The following BMP6 variants were observed in gnomAD, a reference collection of about 807,000 sequenced individuals.
BMP6 encodes bone morphogenetic protein 6, also known as VG-1-R.
BMP6 carries 17 observed loss-of-function variants against 54.1 expected under a neutral mutation model. The ratio of observed to expected loss-of-function variants is 0.31; its 90% CI spans 0.22 to 0.47. The LOEUF (loss-of-function observed/expected upper bound fraction) is 0.47. Ranked by LOEUF, BMP6 falls within the 20% of genes least tolerant of loss-of-function variation. The pLI, the probability that BMP6 is intolerant of heterozygous loss-of-function variation, is 1.00. For missense variants in BMP6, 720 were observed against 690.4 expected (o/e 1.04, Z -0.48); for synonymous variants, 328 against 291.2 (o/e 1.13, Z -1.28).
chr6:7,746,812 C>T (rs1247127815), intron 1 of BMP6, among the ~76,000 whole-genome samples: 2 of 152,176 alleles, frequency 1.3e-5, no homozygotes, highest in African/African-American at 2.4e-5. Flanking sequence ...AGCTAGTTGG[C>T]CCACGGGAAA....
chr6:7,874,508 C>T (rs1759576157), intron 4 of BMP6, among the ~76,000 whole-genome samples: 1 of 152,198 alleles, frequency 6.6e-6, no homozygotes, highest in South Asian at 2.1e-4. Context: ...GTAATCCCAG[C>T]ACCTTGGGAG....
Position 7,740,657 on chromosome 6 carries a change from G to T in BMP6, c.664+13038G>T, listed in dbSNP as rs1395575894. On this transcript the variant is annotated intron_variant, in intron 1 of 6. Coordinates refer to ENST00000283147, the MANE Select transcript of BMP6 (RefSeq NM_001718.6). ...ACCCCACCCTGACTCGGGGGATTTG[G>T]GTGTGGGAATCTGCACTTCGACAAG... Among the ~76,000 whole-genome samples, 7 of 152,074 alleles carry T rather than the reference G, an allele frequency of 4.6e-5. No homozygotes were observed. The South Asian group carries it at 6.2e-4, about 14-fold the overall frequency.
At chr6:7,878,984 A>G in intron 4 of BMP6, 90 bp from the exon 5 acceptor site, 4 of 1,298,596 alleles carry the variant, frequency 3.1e-6, no homozygotes, top group Non-Finnish European at 4.5e-6. Context: ...CCTAGCACAG[A>G]GCCTGGCATG....
At chr6:7,825,093 G>C (rs1758671926) in intron 1 of BMP6, among the ~76,000 whole-genome samples, 1 of 152,182 alleles carries the variant, frequency 6.6e-6, no homozygotes. Context: ...GAGGCCAGAG[G>C]GTTGCTTGAG....
At chr6:7,807,972 G>C (rs1004235944) in intron 1 of BMP6, among the ~76,000 whole-genome samples, 3 of 140,062 alleles carry the variant, frequency 2.1e-5, no homozygotes, top group East Asian at 2.2e-4. Context: ...CCAGGCTGGA[G>C]TGCAGTGGCA....
At chr6:7,830,026 C>T (rs1758769988) in intron 1 of BMP6, among the ~76,000 whole-genome samples, 1 of 152,202 alleles carries the variant, frequency 6.6e-6, no homozygotes, top group Admixed American at 6.5e-5. Flanking sequence ...CTCACATCTT[C>T]AGCCTGACGG....
chr6:7,875,399 C>T (rs998173605), intron 4 of BMP6, among the ~76,000 whole-genome samples: 1 of 152,098 alleles, frequency 6.6e-6, no homozygotes, highest in African/African-American at 2.4e-5. Context: ...TAACAGTTGC[C>T]AGACTCAGTA....
At chr6:7,818,235 A>G (rs561727784) in intron 1 of BMP6, among the ~76,000 whole-genome samples, 23 of 152,266 alleles carry the variant, frequency 1.5e-4, no homozygotes, top group Middle Eastern at 6.8e-3. Flanking sequence ...GTTTCTAAAC[A>G]TGTCTTTTTT....
Position 7,862,435 on chromosome 6 carries a change from C to A in BMP6, c.1141C>A (p.Arg381=). The change falls in exon 4 of 7, where the codon CGA becomes AGA. Residue 381 remains arginine, a synonymous_variant. Transcript: ENST00000283147. Reference sequence around the variant, plus strand: ...CACCAGGTCAGCCTCCAGCCGGCGCCGACAACAGAGTCGTAATCGCTCTAC... The same window carrying A: ...CACCAGGTCAGCCTCCAGCCGGCGCAGACAACAGAGTCGTAATCGCTCTAC... ...RTTRSASSRR[R]QQSRNRSTQS... is the part of the protein sequence containing the mutation. The A allele has an allele frequency of 6.2e-7, 1 of 1,614,202 alleles. No homozygotes were observed. Among genetic ancestry groups the A allele is most frequent in the Non-Finnish European group, 8.5e-7 (1 of 1,180,046 alleles).
chr6:7,833,028 G>T (rs1758815334), intron 1 of BMP6, among the ~76,000 whole-genome samples: 1 of 152,026 alleles, frequency 6.6e-6, no homozygotes, highest in South Asian at 2.1e-4. Context: ...CCTGGTACTA[G>T]CTGCAGTGTG....
rs566804309 is a variant in BMP6 at position 7,797,697 on chromosome 6, G to A, written c.665-47443G>A. 2.0e-5 allele frequency among the ~76,000 whole-genome samples: 3 copies of A among 152,274 alleles called. No homozygotes were observed. In the East Asian group the frequency reaches 5.8e-4, roughly 29 times the overall value. On this transcript the variant is annotated intron_variant, in intron 1 of 6. Transcript: ENST00000283147. Reference sequence around the variant, plus strand: ...TCTTGGAGTGCAAATTGCATGAGTAGTAAGTTCCATGTGCCAGGAGATGGC... The same window carrying A: ...TCTTGGAGTGCAAATTGCATGAGTAATAAGTTCCATGTGCCAGGAGATGGC...
At chr6:7,814,006 C>T (rs956702) in intron 1 of BMP6, among the ~76,000 whole-genome samples, 57,513 of 152,004 alleles carry the variant, frequency 0.38, 12,069 homozygotes, top group East Asian at 0.73. Flanking sequence ...CCGAGGTGCC[C>T]CTTTTCTTGC....
At chr6:7,875,273 C>T (rs910038246) in intron 4 of BMP6, among the ~76,000 whole-genome samples, 7 of 152,232 alleles carry the variant, frequency 4.6e-5, no homozygotes, top group Middle Eastern at 6.8e-3. Context: ...GGCCCTGAAC[C>T]GAGGAGATGA....
intron 1 of BMP6, among the ~76,000 whole-genome samples, chr6:7,773,349 A>G (rs577294063): frequency 6.6e-6 from 1 of 152,350 alleles, no homozygotes; most frequent in East Asian, 1.9e-4. Flanking sequence ...GGGAAGGGCC[A>G]GAAGAGCAGA....
At chr6:7,864,094 A>G (rs1759380037) in intron 4 of BMP6, among the ~76,000 whole-genome samples, 2 of 151,968 alleles carry the variant, frequency 1.3e-5, no homozygotes, top group South Asian at 2.1e-4. Context: ...AGGAAGGGAG[A>G]GTGGATGTTC....
intron 2 of BMP6, among the ~76,000 whole-genome samples, chr6:7,849,810 G>A (rs1759116541): frequency 6.6e-6 from 1 of 152,158 alleles, no homozygotes; most frequent in African/African-American, 2.4e-5. Context: ...GAAATTCCGT[G>A]TTCTGCTCTC....
At chr6:7,813,108 AATATATATATATATATATAT>A (rs1182296124) in intron 1 of BMP6, among the ~76,000 whole-genome samples, 1 of 21,484 alleles carries the variant, frequency 4.7e-5, no homozygotes, top group African/African-American at 2.0e-4. Flanking sequence ...AAAAAAAAAA[AATATATATATATATATATAT>A]ATATATATAT....
At chr6:7,812,700 T>A (rs1236909108) in intron 1 of BMP6, among the ~76,000 whole-genome samples, 9 of 152,036 alleles carry the variant, frequency 5.9e-5, no homozygotes, top group African/African-American at 1.9e-4. Context: ...AAGAAAAATA[T>A]CAAAGTTGAA....
At chr6:7,740,423 A>G (rs1439497258) in intron 1 of BMP6, among the ~76,000 whole-genome samples, 3 of 152,266 alleles carry the variant, frequency 2.0e-5, no homozygotes, top group South Asian at 2.1e-4. Flanking sequence ...AAAATTCATT[A>G]CAAGTGCATT....
Sources: allele counts gnomAD v4.1 joint callset (sites outside exome capture counted in the v4.1 genomes callset), GRCh38; gene constraint gnomAD v4.1.1; transcripts MANE v1.5; gene names NCBI Gene and HGNC (gene_info 2026-07-23, HGNC 2026-07-21).